The following ME1 variants were observed in gnomAD, a reference collection of about 807,000 sequenced individuals.
The protein encoded by ME1 is NADP-dependent malic enzyme.
Under a neutral mutation model 66.4 loss-of-function variants are expected in ME1, and 74 were observed. The ratio of observed to expected loss-of-function variants is 1.11; its 90% CI spans 0.92 to 1.35. ME1 has a LOEUF of 1.35. ME1 is among the 40% of genes most tolerant of loss of function. The pLI, the probability that ME1 is intolerant of heterozygous loss-of-function variation, is 0.00. For synonymous variants in ME1, 251 were observed against 235.6 expected, an observed-to-expected ratio of 1.07 and a Z score of -0.60; for missense variants, 750 against 694.1, an observed-to-expected ratio of 1.08 and a Z score of -0.90.
chr6:83,386,320 AG>A (rs1384815926), intron 3 of ME1, among the ~76,000 whole-genome samples: 1 of 152,036 alleles, frequency 6.6e-6, no homozygotes, highest in Non-Finnish European at 1.5e-5. Context: ...AAAAAATAAA[AG>A]TCACATGCTA....
At chr6:83,223,093 T>C (rs775199911) in intron 12 of ME1, among the ~76,000 whole-genome samples, 10 of 152,362 alleles carry the variant, frequency 6.6e-5, no homozygotes, top group South Asian at 4.1e-4. Flanking sequence ...ATGCCATTCA[T>C]TATTAAGCAC....
At chr6:83,372,614 T>C (rs1430282171) in intron 3 of ME1, among the ~76,000 whole-genome samples, 1 of 152,152 alleles carries the variant, frequency 6.6e-6, no homozygotes. Flanking sequence ...ACCTTTGGGA[T>C]TTTACTGGAT....
intron 3 of ME1, among the ~76,000 whole-genome samples, chr6:83,368,564 C>G (rs941099716): frequency 1.3e-5 from 2 of 151,984 alleles, no homozygotes; most frequent in Non-Finnish European, 2.9e-5. Flanking sequence ...ATTTTTGTTG[C>G]ATTTAGTCCA....
At chr6:83,275,889 C>T (rs920378744) in intron 6 of ME1, among the ~76,000 whole-genome samples, 1 of 148,518 alleles carries the variant, frequency 6.7e-6, no homozygotes, top group Non-Finnish European at 1.5e-5. Context: ...TCTGCCTCAG[C>T]CTCAGGAGTA....
At chr6:83,321,226 G>A (rs1768166713) in intron 5 of ME1, among the ~76,000 whole-genome samples, 1 of 152,134 alleles carries the variant, frequency 6.6e-6, no homozygotes, top group South Asian at 2.1e-4. Context: ...AAAACTGGGT[G>A]GTCATTTGGG....
intron 5 of ME1, among the ~76,000 whole-genome samples, chr6:83,345,071 C>T (rs1188336461): frequency 6.6e-6 from 1 of 151,992 alleles, no homozygotes; most frequent in African/African-American, 2.4e-5. Context: ...GATCATGGCT[C>T]ACTGCATCCT....
intron 3 of ME1, among the ~76,000 whole-genome samples, chr6:83,374,919 T>C (rs1769258534): frequency 6.6e-6 from 1 of 152,224 alleles, no homozygotes; most frequent in East Asian, 1.9e-4. Context: ...TGTGTGGTCT[T>C]ATTTCTGAGG....
intron 1 of ME1, among the ~76,000 whole-genome samples, chr6:83,429,638 C>T (rs1321624640): frequency 2.6e-5 from 4 of 152,116 alleles, no homozygotes; most frequent in Non-Finnish European, 5.9e-5. Context: ...TTTAATAATG[C>T]TACATGACGG....
At chr6:83,242,527 A>G (rs934942207) in intron 7 of ME1, among the ~76,000 whole-genome samples, 7 of 152,138 alleles carry the variant, frequency 4.6e-5, no homozygotes, top group Admixed American at 1.3e-4. Flanking sequence ...CCCTGAACAC[A>G]GTATTGATTA....
At chr6:83,249,692 ACT>A (rs1790688340) in intron 7 of ME1, among the ~76,000 whole-genome samples, 1 of 152,022 alleles carries the variant, frequency 6.6e-6, no homozygotes, top group Non-Finnish European at 1.5e-5. Context: ...TTCCACTTCG[ACT>A]GACTTCCTTC....
intron 6 of ME1, among the ~76,000 whole-genome samples, chr6:83,273,232 A>G (rs1767117493): frequency 6.6e-6 from 1 of 151,848 alleles, no homozygotes; most frequent in Admixed American, 6.6e-5. Context: ...AGTTTCTAAA[A>G]TGAGAATTTC....
chr6:83,236,917 G>A (rs1790410070), intron 9 of ME1, among the ~76,000 whole-genome samples: 1 of 151,908 alleles, frequency 6.6e-6, no homozygotes, highest in Non-Finnish European at 1.5e-5. Context: ...AAACTAAACT[G>A]GCCAAGTGCA....
chr6:83,213,773 C>A (rs1248387875), intron 13 of ME1, among the ~76,000 whole-genome samples: 5 of 152,064 alleles, frequency 3.3e-5, no homozygotes, highest in African/African-American at 1.2e-4. Context: ...TAAAACTATG[C>A]ATTTATGAAC....
chr6:83,423,990 G>C lies in ME1; in HGVS notation c.78+6887C>G, dbSNP rs1402060444. On this transcript the variant is annotated intron_variant, in intron 1 of 13. Coordinates refer to ENST00000369705, the MANE Select transcript of ME1 (RefSeq NM_002395.6). ...CTAGGCATGATGGTGTGCACCTGAA[G>C]TTCCAGCTACTCAAGAGGACGGACT... is the stretch of plus-strand genomic sequence containing the variant. 2.0e-5 allele frequency among the ~76,000 whole-genome samples: 3 copies of C among 150,560 alleles called. No individual in the cohort carries two copies. The South Asian group carries it at 6.3e-4, about 32-fold the overall frequency.
chr6:83,325,948 CAAA>C (rs199839173), intron 5 of ME1, among the ~76,000 whole-genome samples: 1 of 120,816 alleles, frequency 8.3e-6, no homozygotes, highest in Admixed American at 7.9e-5. Flanking sequence ...ACGAAGCAAA[CAAA>C]AAAAAAAAAA....
intron 3 of ME1, among the ~76,000 whole-genome samples, chr6:83,395,279 G>T (rs1402646565): frequency 6.6e-6 from 1 of 151,594 alleles, no homozygotes; most frequent in Non-Finnish European, 1.5e-5. Context: ...TAGAGATAGG[G>T]TTTCACCATG....
intron 3 of ME1, chr6:83,393,052 T>C: frequency 7.2e-7 from 1 of 1,382,304 alleles, no homozygotes; most frequent in Non-Finnish European, 1.0e-6. Flanking sequence ...GCCAAGGCTG[T>C]GAGGAAGGTC....
chr6:83,405,703 T>G (rs1324886075), intron 2 of ME1, among the ~76,000 whole-genome samples: 2 of 147,026 alleles, frequency 1.4e-5, no homozygotes, highest in East Asian at 4.0e-4. Flanking sequence ...TATTGAGAGT[T>G]TTTTTTGTTG....
intron 3 of ME1, among the ~76,000 whole-genome samples, chr6:83,366,874 A>T (rs568637103): frequency 2.0e-5 from 3 of 152,340 alleles, no homozygotes; most frequent in Non-Finnish European, 4.4e-5. Flanking sequence ...CCCATGAATC[A>T]CAAAAGTTCT....
Sources: gnomAD v4.1 joint callset for allele counts (sites outside exome capture counted in the v4.1 genomes callset) on GRCh38, gnomAD v4.1.1 for gene constraint, MANE v1.5 for transcripts, NCBI Gene and HGNC (gene_info 2026-07-23, HGNC 2026-07-21) for gene names.